The following MYO1D variants were observed in gnomAD, a reference collection of about 807,000 sequenced individuals.
MYO1D encodes the protein unconventional myosin-Id.
MYO1D carries 83 observed loss-of-function variants against 122.0 expected under a neutral mutation model. The observed-to-expected ratio is 0.68, with a 90% CI of 0.57 to 0.82. The LOEUF is 0.82. MYO1D is among the 40% of genes least tolerant of loss of function. MYO1D has a pLI of 0.00. For missense variants in MYO1D, 1,157 were observed against 1,269.5 expected, an observed-to-expected ratio of 0.91 and a Z score of 1.35; for synonymous variants, 464 against 446.9, an observed-to-expected ratio of 1.04 and a Z score of -0.48.
chr17:32,870,952 A>G (rs2091173714), intron 1 of MYO1D, among the ~76,000 whole-genome samples: 1 of 152,242 alleles, frequency 6.6e-6, no homozygotes, highest in African/African-American at 2.4e-5. Flanking sequence ...AGGAATATGA[A>G]TATGATAAAT....
intron 21 of MYO1D, among the ~76,000 whole-genome samples, chr17:32,560,884 C>A (rs1435934154): frequency 2.7e-5 from 4 of 148,446 alleles, no homozygotes; most frequent in Admixed American, 2.7e-4. Flanking sequence ...TCCCAAAGTG[C>A]GAGGATTACA....
intron 16 of MYO1D, among the ~76,000 whole-genome samples, chr17:32,697,351 C>T (rs1448960900): frequency 2.0e-5 from 3 of 152,272 alleles, no homozygotes; most frequent in East Asian, 1.9e-4. Context: ...TGGAAAAATA[C>T]GGAGTCAATG....
chr17:32,730,450 T>G (rs2089624699), intron 14 of MYO1D, among the ~76,000 whole-genome samples: 1 of 152,248 alleles, frequency 6.6e-6, no homozygotes, highest in South Asian at 2.1e-4. Context: ...ATTTCAGAGT[T>G]TCACTTAGTA....
intron 21 of MYO1D, among the ~76,000 whole-genome samples, chr17:32,543,981 CG>C (rs1464213935): frequency 6.6e-6 from 1 of 151,840 alleles, no homozygotes; most frequent in African/African-American, 2.4e-5. Context: ...TTAGTAGAGA[CG>C]GGGTTTCACT....
intron 16 of MYO1D, among the ~76,000 whole-genome samples, chr17:32,668,322 T>C (rs1180854405): frequency 6.6e-6 from 1 of 152,212 alleles, no homozygotes; most frequent in African/African-American, 2.4e-5. Context: ...CTCTGTCTGA[T>C]AGCGAGGTGG....
chr17:32,499,662 C>A (rs1444922931), intron 21 of MYO1D, among the ~76,000 whole-genome samples: 1 of 150,772 alleles, frequency 6.6e-6, no homozygotes, highest in African/African-American at 2.4e-5. Flanking sequence ...AAAAAATAAA[C>A]AAATAAAAAT....
intron 20 of MYO1D, among the ~76,000 whole-genome samples, chr17:32,634,550 G>C (rs1291256239): frequency 6.6e-6 from 1 of 152,174 alleles, no homozygotes; most frequent in Non-Finnish European, 1.5e-5. Flanking sequence ...TAGTGCATTA[G>C]GAAAACAACA....
chr17:32,832,740 G>A lies in MYO1D; in HGVS notation c.95+44038C>T, dbSNP rs545294865. Among the ~76,000 whole-genome samples the A allele has an allele frequency of 1.4e-4, 22 of 152,292 alleles. No homozygotes were observed. In the South Asian group the frequency reaches 1.7e-3, roughly 11 times the overall value. ...GGCGAATTTCACCAATTTTATTGAC[G>A]TGAGAAAAAGGCATGCTTTATTTTT... On this transcript the variant is annotated intron_variant, in intron 1 of 21. Coordinates refer to ENST00000318217, the MANE Select transcript of MYO1D (RefSeq NM_015194.3).
chr17:32,781,185 T>A (rs150687700), intron 1 of MYO1D, among the ~76,000 whole-genome samples: 1 of 152,232 alleles, frequency 6.6e-6, no homozygotes, highest in Non-Finnish European at 1.5e-5. Context: ...AAGAGGACTG[T>A]CATATACATT....
intron 1 of MYO1D, 66 bp from the exon 2 acceptor site, chr17:32,780,850 T>G: frequency 4.1e-6 from 6 of 1,472,614 alleles, no homozygotes; most frequent in Non-Finnish European, 5.7e-6. Flanking sequence ...ATCTGTCCTG[T>G]GAGTCTCTTA....
chr17:32,646,648 T>C (rs1478116475), intron 19 of MYO1D, among the ~76,000 whole-genome samples: 1 of 152,104 alleles, frequency 6.6e-6, no homozygotes, highest in Admixed American at 6.5e-5. Flanking sequence ...CGAGTTAATC[T>C]AAAAACAACA....
intron 1 of MYO1D, among the ~76,000 whole-genome samples, chr17:32,859,385 C>T (rs906647789): frequency 6.6e-6 from 1 of 152,166 alleles, no homozygotes; most frequent in East Asian, 1.9e-4. Flanking sequence ...AGCACGGATG[C>T]TCTTTTTCCA....
At chr17:32,870,779 T>G (rs2091172286) in intron 1 of MYO1D, among the ~76,000 whole-genome samples, 1 of 152,178 alleles carries the variant, frequency 6.6e-6, no homozygotes, top group South Asian at 2.1e-4. Context: ...GCCACTCACT[T>G]GCACCTTCCC....
chr17:32,828,819 T>C (rs1470858912), intron 1 of MYO1D, among the ~76,000 whole-genome samples: 1 of 152,224 alleles, frequency 6.6e-6, no homozygotes, highest in Non-Finnish European at 1.5e-5. Context: ...TCAGAGCCAC[T>C]CTATGGTGTT....
intron 1 of MYO1D, among the ~76,000 whole-genome samples, chr17:32,803,202 A>G (rs1277042037): frequency 2.6e-5 from 4 of 152,094 alleles, no homozygotes; most frequent in South Asian, 2.1e-4. Flanking sequence ...GCTTGAGTGC[A>G]GTGGCGTGAT....
At chr17:32,597,286 CTT>C (rs1451570903) in intron 21 of MYO1D, among the ~76,000 whole-genome samples, 1 of 152,186 alleles carries the variant, frequency 6.6e-6, no homozygotes, top group Non-Finnish European at 1.5e-5. Context: ...CCTTCTACCT[CTT>C]TCTCCCTGTA....
At chr17:32,871,971 T>C (rs1000659079) in intron 1 of MYO1D, among the ~76,000 whole-genome samples, 3 of 152,094 alleles carry the variant, frequency 2.0e-5, no homozygotes. Context: ...AGGGATGTTG[T>C]GGTTAGGGCT....
At chr17:32,821,883 G>A (rs924833083) in intron 1 of MYO1D, among the ~76,000 whole-genome samples, 3 of 152,176 alleles carry the variant, frequency 2.0e-5, no homozygotes, top group African/African-American at 7.2e-5. Context: ...AATAGGTGCT[G>A]GAGAGGATGT....
intron 10 of MYO1D, chr17:32,756,201 G>A (rs111327876): frequency 1.1e-4 from 24 of 226,662 alleles, no homozygotes; most frequent in African/African-American, 2.4e-4. Context: ...AAAGTGCCTC[G>A]TTTACCTTTA....
Sources: allele counts gnomAD v4.1 joint callset (sites outside exome capture counted in the v4.1 genomes callset), GRCh38; gene constraint gnomAD v4.1.1; transcripts MANE v1.5; gene names NCBI Gene and HGNC (gene_info 2026-07-23, HGNC 2026-07-21).